The following ZNF385D variants were observed in gnomAD, a reference collection of about 807,000 sequenced individuals.
ZNF385D encodes zinc finger protein 659.
In ZNF385D, 15 loss-of-function variants were observed where a neutral mutation model predicts 35.8. That is an observed-to-expected ratio of 0.42 (90% CI 0.28 to 0.64). The LOEUF is 0.64. Among genes scored for constraint, ZNF385D ranks in the 30% least tolerant of loss-of-function variants. The pLI is 0.23. For synonymous variants in ZNF385D, 212 were observed against 186.8 expected (o/e 1.13, Z -1.10); for missense variants, 474 against 494.6 (o/e 0.96, Z 0.39).
At chr3:21,920,085 T>C (rs2125218132) in intron 3 of ZNF385D, among the ~76,000 whole-genome samples, 1 of 152,312 alleles carries the variant, frequency 6.6e-6, no homozygotes, top group African/African-American at 2.4e-5. Context: ...ATAGTGGTTT[T>C]TAAATTTTTA....
intron 3 of ZNF385D, among the ~76,000 whole-genome samples, chr3:21,520,000 C>A (rs1707808823): frequency 2.0e-5 from 3 of 152,204 alleles, no homozygotes; most frequent in Admixed American, 6.6e-5. Flanking sequence ...TCCTTAATTT[C>A]CTCCTCCAGC....
At chr3:22,241,341 T>A (rs911396777) in intron 2 of ZNF385D, among the ~76,000 whole-genome samples, 1 of 151,126 alleles carries the variant, frequency 6.6e-6, no homozygotes, top group Non-Finnish European at 1.5e-5. Context: ...CCTCCCTGAC[T>A]CCTTATTGCC....
chr3:21,907,388 C>A (rs1238145842), intron 3 of ZNF385D, among the ~76,000 whole-genome samples: 2 of 151,936 alleles, frequency 1.3e-5, no homozygotes, highest in African/African-American at 4.8e-5. Flanking sequence ...TTCACAATAT[C>A]TTTTTTTGTA....
intron 3 of ZNF385D, among the ~76,000 whole-genome samples, chr3:21,939,263 G>T (rs1192179128): frequency 6.6e-6 from 1 of 152,144 alleles, no homozygotes; most frequent in Non-Finnish European, 1.5e-5. Flanking sequence ...TAAATCAGGG[G>T]TTTAATATGA....
At chr3:21,920,717 G>A (rs1018490845) in intron 3 of ZNF385D, among the ~76,000 whole-genome samples, 3 of 151,348 alleles carry the variant, frequency 2.0e-5, no homozygotes, top group Non-Finnish European at 2.9e-5. Flanking sequence ...TATAATTGAT[G>A]AAGTTAGGCA....
intron 2 of ZNF385D, among the ~76,000 whole-genome samples, chr3:22,291,290 T>C (rs1436143821): frequency 6.6e-6 from 1 of 152,166 alleles, no homozygotes; most frequent in Non-Finnish European, 1.5e-5. Context: ...TATATATTTA[T>C]TGGAAGGAAA....
chr3:22,372,509 C>T (rs1303076833), exon 2 of ZNF385D: 1 of 985,710 alleles, frequency 1.0e-6, no homozygotes, highest in South Asian at 4.7e-5. Context: ...TCCCACCGAG[C>T]TCTTCATTCT....
chr3:22,281,886 G>T (rs1295665110), intron 2 of ZNF385D, among the ~76,000 whole-genome samples: 2 of 151,502 alleles, frequency 1.3e-5, no homozygotes, highest in Non-Finnish European at 3.0e-5. Flanking sequence ...TTTTGTTGGT[G>T]GTGGTGGTAA....
rs1318049304 is a variant in ZNF385D, at chr3:21,421,161, TTG to T, written c.*51_*52del. The T allele has an allele frequency of 1.4e-6, 2 of 1,447,970 alleles. No individual in the cohort carries two copies. The highest frequency in any genetic ancestry group is 1.9e-6 in the Non-Finnish European group (2 of 1,037,658). The allele number at this position is 1,447,970 out of a possible 1,614,324, so 89.7% of individuals were successfully genotyped here. A position where few individuals can be genotyped will look rare whatever the true frequency, so the allele number is the denominator to read the frequency against. On this transcript the variant is annotated 3_prime_UTR_variant, in exon 8 of 8. Transcript: ENST00000281523. ...ACTGCATAGTTCTCTTTTGTTTGTT[TTG>T]TTTTTTGTTTTTTGAAAAATTATTG...
At chr3:21,870,219 T>G (rs910226156) in intron 3 of ZNF385D, among the ~76,000 whole-genome samples, 1 of 152,210 alleles carries the variant, frequency 6.6e-6, no homozygotes, top group South Asian at 2.1e-4. Context: ...TCAACAAGCA[T>G]GGCTTGACTG....
At chr3:22,082,864 C>G (rs190233691) in intron 3 of ZNF385D, among the ~76,000 whole-genome samples, 3 of 152,300 alleles carry the variant, frequency 2.0e-5, no homozygotes, top group South Asian at 2.1e-4. Flanking sequence ...GAAGAAGGAT[C>G]AGGCAGCAAT....
intron 3 of ZNF385D, among the ~76,000 whole-genome samples, chr3:21,835,794 T>C (rs1279397347): frequency 6.6e-6 from 1 of 152,130 alleles, no homozygotes; most frequent in Non-Finnish European, 1.5e-5. Context: ...AAAAATATTA[T>C]TCTAGGCCTA....
intron 3 of ZNF385D, among the ~76,000 whole-genome samples, chr3:21,557,656 C>G (rs2062788412): frequency 6.6e-6 from 1 of 152,102 alleles, no homozygotes; most frequent in Non-Finnish European, 1.5e-5. Flanking sequence ...GTTTTAGTAT[C>G]AGGATGATGC....
At chr3:22,276,120 T>C (rs1252369697) in intron 2 of ZNF385D, among the ~76,000 whole-genome samples, 1 of 151,970 alleles carries the variant, frequency 6.6e-6, no homozygotes, top group Non-Finnish European at 1.5e-5. Context: ...CTTGAAATGG[T>C]GAGTCATTGG....
At chr3:21,857,965 G>A (rs541403451) in intron 3 of ZNF385D, among the ~76,000 whole-genome samples, 21 of 151,846 alleles carry the variant, frequency 1.4e-4, no homozygotes, top group African/African-American at 5.1e-4. Flanking sequence ...CCAGGGCCAG[G>A]CATGGTGGTT....
intron 2 of ZNF385D, among the ~76,000 whole-genome samples, chr3:22,314,286 C>T (rs1703760584): frequency 1.3e-5 from 2 of 151,970 alleles, no homozygotes; most frequent in Non-Finnish European, 2.9e-5. Context: ...ACCCTTTCCC[C>T]ACTGAGTCCC....
rs373489567 is a variant in ZNF385D, at chr3:21,451,658, A to C, written c.440-14455T>G. Among the ~76,000 whole-genome samples, 3 of 152,120 alleles carry C rather than the reference A, an allele frequency of 2.0e-5. No homozygotes were observed. In the East Asian group the frequency reaches 5.8e-4, roughly 29 times the overall value. ...TTACAAAATAAAACAAATGCATGAC[A>C]AAAAATTAAAAGGTTCAAGATAACA... On this transcript the variant is annotated intron_variant, in intron 4 of 7. Coordinates refer to ENST00000281523, the MANE Select transcript of ZNF385D (RefSeq NM_024697.3).
chr3:21,443,295 T>C (rs1701961161), intron 4 of ZNF385D: 1 of 985,392 alleles, frequency 1.0e-6, no homozygotes, highest in Non-Finnish European at 1.2e-6. Flanking sequence ...GGATTCTTTA[T>C]TCTCCAGGTC....
At chr3:21,763,422 T>C (rs988381285) in intron 3 of ZNF385D, among the ~76,000 whole-genome samples, 6 of 152,180 alleles carry the variant, frequency 3.9e-5, no homozygotes, top group Non-Finnish European at 8.8e-5. Flanking sequence ...AAAAGTTTTC[T>C]AAAGGAGAAA....
Sources: allele counts gnomAD v4.1 joint callset (sites outside exome capture counted in the v4.1 genomes callset), GRCh38; gene constraint gnomAD v4.1.1; transcripts MANE v1.5; gene names NCBI Gene and HGNC (gene_info 2026-07-23, HGNC 2026-07-21).